ARHGAP6: variants seen among roughly 807,000 people sequenced by gnomAD.
The protein encoded by ARHGAP6 is Rho GTPase activating protein 6.
In ARHGAP6, 16 loss-of-function variants were observed where a neutral mutation model predicts 55.7. That is an observed-to-expected ratio of 0.29 (90% CI 0.19 to 0.44). The LOEUF (loss-of-function observed/expected upper bound fraction) is 0.44, where lower values mean the gene tolerates loss of function less well. ARHGAP6 is among the 20% of genes least tolerant of loss of function. The pLI is 1.00. For synonymous variants in ARHGAP6, 382 were observed against 360.9 expected (o/e 1.06, Z -0.66); for missense variants, 698 against 808.9 (o/e 0.86, Z 1.66).
intron 1 of ARHGAP6, among the ~76,000 whole-genome samples, chrX:11,468,042 C>T (rs2147823886): frequency 9.2e-6 from 1 of 108,324 alleles, no homozygotes; most frequent in East Asian, 2.9e-4. Flanking sequence ...AAATAAATGG[C>T]CAAAGCTAAC....
At position 11,504,539 on chromosome X, in the gene ARHGAP6, T is replaced by C. The variant is rs2050713682; in HGVS notation, c.588+159702A>G. The stretch of plus-strand genomic sequence containing the variant: ...TATATAAATAAATATTGTAGAACCC[T>C]TTTAAACCCTCATATCTAAACTTGT... On this transcript the variant is annotated intron_variant, in intron 1 of 12. Transcript: ENST00000337414. Among the ~76,000 whole-genome samples, 3 of 112,139 alleles carry C rather than the reference T, an allele frequency of 2.7e-5. No homozygotes were observed. In the South Asian group the frequency reaches 1.1e-3, roughly 41 times the overall value.
chrX:11,495,880 C>T (rs1036099116), intron 1 of ARHGAP6, among the ~76,000 whole-genome samples: 3 of 112,611 alleles, frequency 2.7e-5, no homozygotes, highest in Non-Finnish European at 5.6e-5. Flanking sequence ...TGCATGCATT[C>T]ATAAAGTAAG....
chrX:11,624,063 A>G (rs1166922481), intron 1 of ARHGAP6, among the ~76,000 whole-genome samples: 1 of 111,907 alleles, frequency 8.9e-6, no homozygotes, highest in Admixed American at 9.5e-5. Flanking sequence ...GAGCCCTGAA[A>G]TAAATCCACA....
At chrX:11,185,460 T>C (rs143342099) in intron 5 of ARHGAP6, among the ~76,000 whole-genome samples, 1,506 of 112,026 alleles carry the variant, frequency 0.013, 37 homozygotes, top group African/African-American at 0.046. Context: ...TATATCTATA[T>C]GGTAGCCTCA....
At chrX:11,509,106 G>A (rs2050760985) in intron 1 of ARHGAP6, among the ~76,000 whole-genome samples, 1 of 111,765 alleles carries the variant, frequency 8.9e-6, no homozygotes, top group African/African-American at 3.3e-5. Flanking sequence ...TACTTACAGT[G>A]TTGATCATAA....
At chrX:11,152,876 T>G (rs1275709214) in intron 10 of ARHGAP6, among the ~76,000 whole-genome samples, 5 of 111,754 alleles carry the variant, frequency 4.5e-5, no homozygotes, top group African/African-American at 1.6e-4. Context: ...AATCCGAATG[T>G]CCAGATTGCA....
intron 1 of ARHGAP6, among the ~76,000 whole-genome samples, chrX:11,620,051 C>T (rs755509933): frequency 3.7e-4 from 42 of 112,099 alleles, no homozygotes; most frequent in African/African-American, 1.4e-3. Flanking sequence ...TGCTCAATTC[C>T]AATGAGGTCA....
At chrX:11,255,805 C>A (rs187499517) in intron 1 of ARHGAP6, among the ~76,000 whole-genome samples, 78 of 111,997 alleles carry the variant, frequency 7.0e-4, no homozygotes, top group Middle Eastern at 4.6e-3. Flanking sequence ...CACATGCACA[C>A]CCTTGCAGGC....
intron 1 of ARHGAP6, among the ~76,000 whole-genome samples, chrX:11,315,679 G>A (rs1314798974): frequency 8.9e-6 from 1 of 112,156 alleles, no homozygotes; most frequent in Non-Finnish European, 1.9e-5. Context: ...AACCAGCCAT[G>A]TTTTTGACGT....
chrX:11,427,749 C>G, intron 1 of ARHGAP6: 2 of 764,054 alleles, frequency 2.6e-6, no homozygotes, highest in Non-Finnish European at 3.1e-6. Context: ...CCTGGCACAG[C>G]GTCCCGCTGC....
intron 1 of ARHGAP6, among the ~76,000 whole-genome samples, chrX:11,417,368 G>A (rs929269741): frequency 3.7e-5 from 4 of 108,391 alleles, no homozygotes; most frequent in Non-Finnish European, 7.6e-5. Flanking sequence ...GGGGTAGCAT[G>A]GGGGGAGTGC....
chrX:11,300,675 A>C, intron 1 of ARHGAP6: 1 of 1,089,958 alleles, frequency 9.2e-7, no homozygotes, highest in African/African-American at 1.8e-5. Context: ...ACAAGAACAC[A>C]ATGATTTTTG....
chrX:11,585,818 G>A (rs759160566), intron 1 of ARHGAP6, among the ~76,000 whole-genome samples: 15 of 111,888 alleles, frequency 1.3e-4, no homozygotes, highest in Non-Finnish European at 2.1e-4. Flanking sequence ...TGTACAGGAA[G>A]CATAGCTGAG....
intron 1 of ARHGAP6, among the ~76,000 whole-genome samples, chrX:11,378,942 A>G (rs1431078266): frequency 8.9e-6 from 1 of 112,542 alleles, no homozygotes; most frequent in Non-Finnish European, 1.9e-5. Flanking sequence ...TTTTATCAAT[A>G]CTATTATCTT....
chrX:11,573,467 G>C (rs1239443501), intron 1 of ARHGAP6, among the ~76,000 whole-genome samples: 31 of 109,873 alleles, frequency 2.8e-4, no homozygotes, highest in East Asian at 5.7e-4. Flanking sequence ...GCTTGTTTTT[G>C]TCAGGTTTGT....
At chrX:11,363,276 A>G (rs1161539135) in intron 1 of ARHGAP6, among the ~76,000 whole-genome samples, 1 of 111,863 alleles carries the variant, frequency 8.9e-6, no homozygotes, top group Non-Finnish European at 1.9e-5. Flanking sequence ...TATTTTTTAA[A>G]TTGGCCTCAA....
chrX:11,172,178 G>A (rs1453692976), intron 8 of ARHGAP6, among the ~76,000 whole-genome samples: 2 of 111,201 alleles, frequency 1.8e-5, no homozygotes, highest in South Asian at 3.8e-4. Flanking sequence ...ATCCCAGCTT[G>A]GTACACGAGT....
chrX:11,531,292 T>G (rs2051046423), intron 1 of ARHGAP6, among the ~76,000 whole-genome samples: 1 of 111,883 alleles, frequency 8.9e-6, no homozygotes, highest in Admixed American at 9.5e-5. Flanking sequence ...TCGTATATAT[T>G]GAGCTTCCAA....
intron 1 of ARHGAP6, among the ~76,000 whole-genome samples, chrX:11,650,092 C>T (rs2052569759): frequency 9.3e-6 from 1 of 107,120 alleles, no homozygotes; most frequent in Non-Finnish European, 1.9e-5. Context: ...ACTCCTGGGC[C>T]TATGCAATCC....
Sources: gnomAD v4.1 joint callset for allele counts (sites outside exome capture counted in the v4.1 genomes callset) on GRCh38, gnomAD v4.1.1 for gene constraint, MANE v1.5 for transcripts, NCBI Gene and HGNC (gene_info 2026-07-23, HGNC 2026-07-21) for gene names.